RIMS2: variants seen among roughly 807,000 people sequenced by gnomAD.
RIMS2 encodes regulating synaptic membrane exocytosis 2, also known as regulating synaptic membrane exocytosis protein 2.
Under a neutral mutation model 174.4 loss-of-function variants are expected in RIMS2, and 59 were observed. The observed-to-expected ratio is 0.34, with a 90% CI of 0.27 to 0.42. The LOEUF is 0.42. Among genes scored for constraint, RIMS2 ranks in the 10% least tolerant of loss-of-function variants. RIMS2 has a pLI of 1.00. For synonymous variants in RIMS2, 606 were observed against 572.5 expected, an observed-to-expected ratio of 1.06 and a Z score of -0.84; for missense variants, 1,620 against 1,666.3, an observed-to-expected ratio of 0.97 and a Z score of 0.48.
At chr8:103,761,266 A>G (rs2140126915) in intron 2 of RIMS2, among the ~76,000 whole-genome samples, 1 of 152,354 alleles carries the variant, frequency 6.6e-6, no homozygotes, top group South Asian at 2.1e-4. Context: ...CTGGTAATGG[A>G]TTGTTCTTCA....
At chr8:103,533,059 A>T (rs1228370000) in intron 1 of RIMS2, among the ~76,000 whole-genome samples, 1 of 152,224 alleles carries the variant, frequency 6.6e-6, no homozygotes, top group African/African-American at 2.4e-5. Flanking sequence ...GAAAATTAGA[A>T]TATTAAAGTG....
chr8:103,915,081 G>A (rs1055900990), intron 6 of RIMS2, among the ~76,000 whole-genome samples: 2 of 151,720 alleles, frequency 1.3e-5, no homozygotes, highest in Non-Finnish European at 1.5e-5. Flanking sequence ...ATGAAAATTT[G>A]GTGGTATATC....
chr8:103,844,103 C>T (rs141952063), intron 3 of RIMS2, among the ~76,000 whole-genome samples: 100 of 152,288 alleles, frequency 6.6e-4, no homozygotes, highest in African/African-American at 2.0e-3. Flanking sequence ...CCTTCTGCCA[C>T]GATTGTGAGG....
chr8:103,863,653 A>G (rs1283570898), intron 3 of RIMS2, among the ~76,000 whole-genome samples: 1 of 151,482 alleles, frequency 6.6e-6, no homozygotes, highest in Non-Finnish European at 1.5e-5. Context: ...TCAGGATTTA[A>G]TTTCTTCTGG....
chr8:103,799,013 A>T (rs1034004204), intron 3 of RIMS2, among the ~76,000 whole-genome samples: 8 of 151,534 alleles, frequency 5.3e-5, no homozygotes, highest in Admixed American at 1.3e-4. Context: ...GAGTTTGAAG[A>T]TGGGGGAAGG....
At chr8:103,756,261 T>C (rs2098001852) in intron 2 of RIMS2, among the ~76,000 whole-genome samples, 1 of 152,108 alleles carries the variant, frequency 6.6e-6, no homozygotes, top group Non-Finnish European at 1.5e-5. Context: ...CAGCAGAGGC[T>C]CAGTTGGAAA....
At chr8:103,665,492 T>C (rs2096657346) in intron 1 of RIMS2, among the ~76,000 whole-genome samples, 1 of 152,212 alleles carries the variant, frequency 6.6e-6, no homozygotes, top group South Asian at 2.1e-4. Flanking sequence ...AGTTCAGAAA[T>C]GGTTTTGAGA....
intron 19 of RIMS2, among the ~76,000 whole-genome samples, chr8:104,172,193 A>G (rs1201751045): frequency 3.3e-5 from 5 of 152,202 alleles, no homozygotes; most frequent in Non-Finnish European, 1.5e-5. Context: ...TAGATGTAAT[A>G]CCCAATGGTA....
chr8:104,204,964 T>C (rs912512541), intron 19 of RIMS2, among the ~76,000 whole-genome samples: 2 of 152,176 alleles, frequency 1.3e-5, no homozygotes, highest in African/African-American at 2.4e-5. Context: ...ACCAATACTT[T>C]AGGAGCAGAA....
intron 4 of RIMS2, among the ~76,000 whole-genome samples, chr8:103,905,006 A>G (rs1394208289): frequency 3.9e-5 from 6 of 152,084 alleles, no homozygotes; most frequent in Admixed American, 3.3e-4. Context: ...ACTGGAATGT[A>G]GAAACCTTAA....
chr8:104,076,116 A>G (rs1332893877), intron 19 of RIMS2, among the ~76,000 whole-genome samples: 1 of 152,240 alleles, frequency 6.6e-6, no homozygotes, highest in Non-Finnish European at 1.5e-5. Flanking sequence ...AGCAAATAAG[A>G]GCAGCATTAT....
chr8:103,772,679 A>T (rs1183857384), intron 3 of RIMS2, among the ~76,000 whole-genome samples: 1 of 152,162 alleles, frequency 6.6e-6, no homozygotes, highest in East Asian at 1.9e-4. Context: ...ACGTAGTTAG[A>T]GGCATAACAC....
chr8:103,906,397 C>A (rs1023884431), intron 4 of RIMS2, among the ~76,000 whole-genome samples: 2 of 151,970 alleles, frequency 1.3e-5, no homozygotes, highest in East Asian at 3.9e-4. Context: ...AGCTACATGC[C>A]ACCATGCCCA....
chr8:103,544,000 G>C (rs1843724879), intron 1 of RIMS2, among the ~76,000 whole-genome samples: 1 of 152,182 alleles, frequency 6.6e-6, no homozygotes, highest in Non-Finnish European at 1.5e-5. Flanking sequence ...AAAAGCTTCT[G>C]TACAGCAAAG....
intron 10 of RIMS2, among the ~76,000 whole-genome samples, chr8:103,923,765 G>A (rs1446088464): frequency 6.6e-6 from 1 of 151,484 alleles, no homozygotes; most frequent in African/African-American, 2.4e-5. Flanking sequence ...AAAAAATATT[G>A]GTTATAAATA....
chr8:103,824,396 T>A (rs939235286), intron 3 of RIMS2, among the ~76,000 whole-genome samples: 2 of 152,154 alleles, frequency 1.3e-5, no homozygotes, highest in African/African-American at 4.8e-5. Context: ...TATGAATTAC[T>A]CACAAAAAAT....
chr8:103,856,498 T>G (rs2099028421), intron 3 of RIMS2, among the ~76,000 whole-genome samples: 1 of 152,230 alleles, frequency 6.6e-6, no homozygotes, highest in Admixed American at 6.5e-5. Flanking sequence ...AGAAGCTGTC[T>G]TGTCTGCTAC....
chr8:104,215,840 G>A (rs2099127351), intron 19 of RIMS2, among the ~76,000 whole-genome samples: 1 of 152,160 alleles, frequency 6.6e-6, no homozygotes, highest in South Asian at 2.1e-4. Context: ...GGGAAAAATA[G>A]AAGCCCTCAT....
At chr8:103,690,420 G>A (rs920200487) in intron 1 of RIMS2, among the ~76,000 whole-genome samples, 7 of 152,000 alleles carry the variant, frequency 4.6e-5, no homozygotes, top group African/African-American at 1.4e-4. Flanking sequence ...TTCTCCTGTG[G>A]TGTGCTTTAA....
Sources: gnomAD v4.1 joint callset for allele counts (sites outside exome capture counted in the v4.1 genomes callset) on GRCh38, gnomAD v4.1.1 for gene constraint, MANE v1.5 for transcripts, NCBI Gene and HGNC (gene_info 2026-07-23, HGNC 2026-07-21) for gene names.